The following ATF7 variants were observed in gnomAD, a reference collection of about 807,000 sequenced individuals.
The protein encoded by ATF7 is activating transcription factor 7.
Under a neutral mutation model 50.4 loss-of-function variants are expected in ATF7, and 10 were observed. That is an observed-to-expected ratio of 0.20 (90% CI 0.12 to 0.34). ATF7 has a LOEUF of 0.34. Ranked by LOEUF, ATF7 falls within the 10% of genes least tolerant of loss-of-function variation. The pLI, the probability that ATF7 is intolerant of heterozygous loss-of-function variation, is 1.00. For missense variants in ATF7, 465 were observed against 613.9 expected (o/e 0.76, Z 2.56); for synonymous variants, 201 against 226.4 (o/e 0.89, Z 1.01).
intron 2 of ATF7, among the ~76,000 whole-genome samples, chr12:53,599,375 G>A (rs554805362): frequency 8.8e-4 from 133 of 151,928 alleles, no homozygotes; most frequent in Non-Finnish European, 1.4e-3. Context: ...CAATAAAGCT[G>A]TCTGAAAAGT....
At chr12:53,603,124 C>T (rs1361722867) in intron 1 of ATF7, among the ~76,000 whole-genome samples, 1 of 152,134 alleles carries the variant, frequency 6.6e-6, no homozygotes, top group African/African-American at 2.4e-5. Flanking sequence ...GGATTCCTTA[C>T]TTTTATCTTG....
chr12:53,521,679 C>A (rs1938137402), intron 11 of ATF7, among the ~76,000 whole-genome samples: 1 of 152,138 alleles, frequency 6.6e-6, no homozygotes, highest in Non-Finnish European at 1.5e-5. Flanking sequence ...TCTAACATGT[C>A]ATATATTTTA....
At chr12:53,538,768 A>C (rs1213849202) in intron 4 of ATF7, among the ~76,000 whole-genome samples, 2 of 152,168 alleles carry the variant, frequency 1.3e-5, no homozygotes, top group African/African-American at 4.8e-5. Flanking sequence ...AACCTTCTTG[A>C]TAGCTAGCTG....
In ATF7 at chr12:53,522,981, T is replaced by G. The variant is rs567100935; in HGVS notation, c.1234+295A>C. Among the ~76,000 whole-genome samples, 13 of 152,356 alleles carry G rather than the reference T, an allele frequency of 8.5e-5. No individual in the cohort carries two copies. In the South Asian group the frequency reaches 2.5e-3, roughly 29 times the overall value. ...AGAGTGCAGTTTTCTCACATATAAA[T>G]GTAGATAATATCCATTTCATGAGAG... On this transcript the variant is annotated intron_variant, in intron 11 of 11. Transcript: ENST00000420353.
At position 53,537,618 on chromosome 12, in the gene ATF7, C is replaced by G. The variant is rs1222013977; in HGVS notation, c.265-66G>C. The G allele has an allele frequency of 1.9e-6, 3 of 1,561,626 alleles. No individual in the cohort carries two copies. The Admixed American group carries it at 5.8e-5, about 30-fold the overall frequency. On this transcript the variant is annotated intron_variant, in intron 4 of 11. Transcript: ENST00000420353. ...TCCTTTCAGGTTGAATCTATATTTT[C>G]CCATTTCCAAGATAAGGGAATATGC...
intron 4 of ATF7, among the ~76,000 whole-genome samples, chr12:53,537,901 G>A (rs1323155216): frequency 6.6e-6 from 1 of 152,058 alleles, no homozygotes; most frequent in Non-Finnish European, 1.5e-5. Flanking sequence ...TAATAGAGAT[G>A]GGGTTTCTCC....
At chr12:53,519,331 G>C (rs910163851) in intron 11 of ATF7, among the ~76,000 whole-genome samples, 2 of 152,166 alleles carry the variant, frequency 1.3e-5, no homozygotes, top group African/African-American at 4.8e-5. Context: ...GGTAGTGACA[G>C]TGTCTTATTC....
chr12:53,527,107 C>T (rs796751), intron 9 of ATF7, among the ~76,000 whole-genome samples: 56,754 of 149,954 alleles, frequency 0.38, 13,264 homozygotes, highest in Non-Finnish European at 0.53. Context: ...TGCAGTGAGC[C>T]GAGATTGCGC....
intron 1 of ATF7, among the ~76,000 whole-genome samples, chr12:53,601,448 T>C (rs1226568714): frequency 1.3e-5 from 2 of 152,184 alleles, no homozygotes; most frequent in Admixed American, 6.6e-5. Context: ...GGGTGCTCCA[T>C]TTTACAGGGC....
intron 2 of ATF7, among the ~76,000 whole-genome samples, chr12:53,558,538 C>A (rs571985506): frequency 6.6e-6 from 1 of 152,160 alleles, no homozygotes; most frequent in Non-Finnish European, 1.5e-5. Flanking sequence ...GACTCCAGAT[C>A]TGCAAATACT....
intron 1 of ATF7, among the ~76,000 whole-genome samples, chr12:53,622,217 G>A (rs1044508402): frequency 2.0e-5 from 3 of 152,130 alleles, no homozygotes; most frequent in Admixed American, 6.6e-5. Context: ...GACAAGAATC[G>A]CTTGAAACCG....
At chr12:53,585,066 G>A (rs1297587022) in intron 2 of ATF7, among the ~76,000 whole-genome samples, 4 of 152,094 alleles carry the variant, frequency 2.6e-5, no homozygotes, top group South Asian at 2.1e-4. Flanking sequence ...TTGACCTCCC[G>A]GGCTCAAGCA....
intron 1 of ATF7, among the ~76,000 whole-genome samples, chr12:53,619,605 G>C (rs1944295179): frequency 6.6e-6 from 1 of 151,722 alleles, no homozygotes. Flanking sequence ...CTGAACTTAG[G>C]AATTCAAGAC....
chr12:53,588,156 A>G (rs1226834730), intron 2 of ATF7, among the ~76,000 whole-genome samples: 1 of 152,090 alleles, frequency 6.6e-6, no homozygotes, highest in African/African-American at 2.4e-5. Flanking sequence ...GGCCACTTCT[A>G]CATATTTTTA....
At position 53,514,605 on chromosome 12, in the gene ATF7, C is replaced by A. The variant is rs2137298265; in HGVS notation, c.*2532G>T. On this transcript the variant is annotated 3_prime_UTR_variant, in exon 12 of 12. Coordinates refer to ENST00000420353, the MANE Select transcript of ATF7 (RefSeq NM_006856.3). ...GTTCTGACCTGCTGCTTCCTTATTTCAGTGCCATTTTGTTACTGTGGTTCT... is the reference window on the plus strand; with the variant it reads ...GTTCTGACCTGCTGCTTCCTTATTTAAGTGCCATTTTGTTACTGTGGTTCT... 6.6e-6 allele frequency: 1 copy of A among 152,330 alleles called. No homozygotes were observed. The highest frequency in any genetic ancestry group is 1.5e-5 in the Non-Finnish European group (1 of 68,046). The allele number at this position is 152,330 out of a possible 1,614,324, so 9.4% of individuals were successfully genotyped here. A position where few individuals can be genotyped will look rare whatever the true frequency, so the allele number is the denominator to read the frequency against.
intron 2 of ATF7, among the ~76,000 whole-genome samples, chr12:53,565,791 C>A (rs1941415487): frequency 6.6e-6 from 1 of 152,062 alleles, no homozygotes; most frequent in African/African-American, 2.4e-5. Context: ...CTGTGCCTGG[C>A]CCCCTTCTCT....
intron 1 of ATF7, among the ~76,000 whole-genome samples, chr12:53,624,841 C>A (rs764371324): frequency 7.2e-5 from 11 of 152,204 alleles, no homozygotes; most frequent in Non-Finnish European, 1.3e-4. Flanking sequence ...AAACAAACTG[C>A]AACCACCCAT....
chr12:53,518,836 G>A (rs1937897798), intron 11 of ATF7, among the ~76,000 whole-genome samples: 2 of 151,594 alleles, frequency 1.3e-5, no homozygotes, highest in East Asian at 1.9e-4. Flanking sequence ...AGGAGGTCAG[G>A]AGATCGAGAC....
chr12:53,517,495 A>G, intron 11 of ATF7, 141 bp from the exon 12 acceptor site: 2 of 792,838 alleles, frequency 2.5e-6, no homozygotes, highest in South Asian at 3.7e-5. Context: ...AAAACTTCCC[A>G]GAATCCTGGC....
Sources: allele counts gnomAD v4.1 joint callset (sites outside exome capture counted in the v4.1 genomes callset), GRCh38; gene constraint gnomAD v4.1.1; transcripts MANE v1.5; gene names NCBI Gene and HGNC (gene_info 2026-07-23, HGNC 2026-07-21).